DGKK: variants seen among roughly 807,000 people sequenced by gnomAD.
DGKK encodes diacylglycerol kinase kappa, also known as 142 kDa diacylglycerol kinase.
Under a neutral mutation model 92.2 loss-of-function variants are expected in DGKK, and 35 were observed. That is an observed-to-expected ratio of 0.38 (90% CI 0.29 to 0.50). The LOEUF (loss-of-function observed/expected upper bound fraction) is 0.50, where lower values mean the gene tolerates loss of function less well. Among genes scored for constraint, DGKK ranks in the 20% least tolerant of loss-of-function variants. The pLI is 0.92. For synonymous variants in DGKK, 368 were observed against 360.6 expected, an observed-to-expected ratio of 1.02 and a Z score of -0.23; for missense variants, 910 against 992.2, an observed-to-expected ratio of 0.92 and a Z score of 1.11.
intron 1 of DGKK, among the ~76,000 whole-genome samples, chrX:50,445,303 A>G (rs1490684417): frequency 9.1e-6 from 1 of 110,158 alleles, no homozygotes; most frequent in African/African-American, 3.3e-5. Context: ...CGTTTGTCAA[A>G]TCTTGCTTTT....
chrX:50,407,416 C>T (rs1273355962), intron 4 of DGKK, among the ~76,000 whole-genome samples: 2 of 111,294 alleles, frequency 1.8e-5, no homozygotes, highest in Admixed American at 1.9e-4. Flanking sequence ...TCCTTCCTAG[C>T]TTGTAGAAGG....
chrX:50,367,923 C>T lies in DGKK; in HGVS notation c.*1017G>A, dbSNP rs889016978. ...GCACCAAAAGATTTAGAAGCTCCAC[C>T]AAGAAATAGGGCAGTTGGTAGAGGT... On this transcript the variant is annotated 3_prime_UTR_variant, in exon 28 of 28. Transcript: ENST00000611977. The T allele has an allele frequency of 1.0e-4, 11 of 109,720 alleles. No homozygotes were observed. Among genetic ancestry groups the T allele is most frequent in the African/African-American group, 2.7e-4 (8 of 30,055 alleles). 9.0% of individuals were successfully genotyped at this position (109,720 alleles called of 1,213,427 possible).
chrX:50,451,598 C>T (rs1302242589), intron 1 of DGKK, among the ~76,000 whole-genome samples: 2 of 111,039 alleles, frequency 1.8e-5, no homozygotes, highest in East Asian at 2.8e-4. Flanking sequence ...GCTCAGATGT[C>T]GGGAAAGATT....
intron 1 of DGKK, among the ~76,000 whole-genome samples, chrX:50,432,494 G>A (rs1376701235): frequency 1.8e-5 from 2 of 111,927 alleles, no homozygotes; most frequent in Non-Finnish European, 3.8e-5. Flanking sequence ...AATATACAAT[G>A]AACCCTTTTA....
At chrX:50,436,491 T>C (rs965005802) in intron 1 of DGKK, among the ~76,000 whole-genome samples, 1 of 112,342 alleles carries the variant, frequency 8.9e-6, no homozygotes, top group African/African-American at 3.2e-5. Context: ...TATTGGAAAT[T>C]ATATCCTATT....
intron 13 of DGKK, among the ~76,000 whole-genome samples, 166 bp downstream of exon 13, chrX:50,388,361 A>C (rs1924601107): frequency 1.8e-5 from 2 of 111,905 alleles, no homozygotes; most frequent in Admixed American, 1.9e-4. Context: ...CCTCAATGTC[A>C]TCTTTCTTTC....
At position 50,416,799 on chromosome X, in the gene DGKK, T is replaced by C. The variant is rs781795633; in HGVS notation, c.942+3604A>G. On this transcript the variant is annotated intron_variant, in intron 4 of 27. Transcript: ENST00000611977. ...AGCCATGGACACACTATGCATGAGT[T>C]AGAGTCATTTTGCCACTTTGAATTT... 2.7e-5 allele frequency among the ~76,000 whole-genome samples: 3 copies of C among 111,380 alleles called. No homozygotes were observed. In the South Asian group the frequency reaches 1.1e-3, roughly 43 times the overall value.
chrX:50,454,445 C>T, intron 1 of DGKK, among the ~76,000 whole-genome samples: 1 of 111,356 alleles, frequency 9.0e-6, no homozygotes, highest in African/African-American at 3.3e-5. Context: ...TTTCTGCATT[C>T]TGTATTGTTC....
chrX:50,445,797 G>GT (rs1557231791), intron 1 of DGKK, among the ~76,000 whole-genome samples: 4 of 111,232 alleles, frequency 3.6e-5, no homozygotes, highest in South Asian at 7.5e-4. Flanking sequence ...TTTTTACATA[G>GT]TTTTTTCTAG....
intron 24 of DGKK, among the ~76,000 whole-genome samples, 176 bp from the exon 25 acceptor site, chrX:50,375,233 T>A (rs1557223713): frequency 1.8e-5 from 2 of 111,636 alleles, no homozygotes; most frequent in African/African-American, 6.5e-5. Flanking sequence ...AGCTGTACTA[T>A]CAGAACGAGT....
At chrX:50,394,969 T>G (rs1181287110) in intron 8 of DGKK, among the ~76,000 whole-genome samples, 1 of 109,881 alleles carries the variant, frequency 9.1e-6, no homozygotes, top group Non-Finnish European at 1.9e-5. Flanking sequence ...AAAGGGAGAC[T>G]GTCTGGGCTG....
rs184190633 is a variant in DGKK at position 50,379,812 on chromosome X, G to T, written c.2755-78C>A. 9.5e-6 allele frequency: 9 copies of T among 945,332 alleles called. No individual in the cohort carries two copies. In the African/African-American group the frequency reaches 1.3e-4, roughly 14 times the overall value. The allele number at this position is 945,332 out of a possible 1,213,427, so 77.9% of individuals were successfully genotyped here. A position where few individuals can be genotyped will look rare whatever the true frequency, so the allele number is the denominator to read the frequency against. ...GGAACATTTACAGAGATGGGGAAAG[G>T]GCTCTGTCTTCTCTTCCATTACATG... On this transcript the variant is annotated intron_variant, in intron 19 of 27. Coordinates refer to ENST00000611977, the MANE Select transcript of DGKK (RefSeq NM_001013742.4).
chrX:50,427,944 A>G (rs1165087781), intron 1 of DGKK, among the ~76,000 whole-genome samples: 1 of 111,206 alleles, frequency 9.0e-6, no homozygotes, highest in South Asian at 3.9e-4. Context: ...TGGCAGGGGC[A>G]TAAGTATGTG....
Position 50,456,913 on chromosome X carries a change from G to T in DGKK, c.645+13121C>A, listed in dbSNP as rs1204682886. The stretch of plus-strand genomic sequence containing the variant: ...TAGCCCGGAGGGGATAGCAGTGAAG[G>T]CCTGCTGGATGAGACTGCTGAGCTG... On this transcript the variant is annotated intron_variant, in intron 1 of 27. Coordinates refer to ENST00000611977, the MANE Select transcript of DGKK (RefSeq NM_001013742.4). Among the ~76,000 whole-genome samples, 3 of 111,777 alleles carry T rather than the reference G, an allele frequency of 2.7e-5. No homozygotes were observed. In the Admixed American group the frequency reaches 2.8e-4, roughly 11 times the overall value.
chrX:50,420,656 C>T lies in DGKK; in HGVS notation c.838-149G>A, dbSNP rs1386352256. 1.1e-5 allele frequency: 5 copies of T among 438,017 alleles called. 1 individual carries two copies. In the Middle Eastern group the frequency reaches 1.6e-3, roughly 142 times the overall value. 36.1% of individuals were successfully genotyped at this position (438,017 alleles called of 1,213,427 possible). Reference sequence around the variant, plus strand: ...TAAGACAGACATTCCCAGAACCACTCGTAGCTCCTTAGTTACCCATCCGAA... The same window carrying T: ...TAAGACAGACATTCCCAGAACCACTTGTAGCTCCTTAGTTACCCATCCGAA... On this transcript the variant is annotated intron_variant, in intron 3 of 27. Transcript: ENST00000611977.
At chrX:50,435,789 G>C (rs1183502130) in intron 1 of DGKK, among the ~76,000 whole-genome samples, 1 of 111,625 alleles carries the variant, frequency 9.0e-6, no homozygotes, top group Non-Finnish European at 1.9e-5. Flanking sequence ...CTCAGAGAGA[G>C]AGAGAGAGAA....
At chrX:50,406,466 C>A (rs782260137) in intron 4 of DGKK, among the ~76,000 whole-genome samples, 15 of 111,398 alleles carry the variant, frequency 1.3e-4, no homozygotes, top group South Asian at 7.7e-4. Flanking sequence ...TAAGATGAGG[C>A]CATAATGGAT....
chrX:50,429,529 CAAAA>C (rs782423706), intron 1 of DGKK, among the ~76,000 whole-genome samples: 85 of 107,893 alleles, frequency 7.9e-4, no homozygotes, highest in Non-Finnish European at 1.1e-3. Context: ...ACTAAAAATA[CAAAA>C]AAAAAATTAG....
chrX:50,423,977 C>T (rs1287698838), intron 2 of DGKK, among the ~76,000 whole-genome samples: 2 of 111,714 alleles, frequency 1.8e-5, no homozygotes, highest in African/African-American at 3.3e-5. Flanking sequence ...AAGGGCACTA[C>T]ATTTTCATTT....
Sources: gnomAD v4.1 joint callset for allele counts (sites outside exome capture counted in the v4.1 genomes callset) on GRCh38, gnomAD v4.1.1 for gene constraint, MANE v1.5 for transcripts, NCBI Gene and HGNC (gene_info 2026-07-23, HGNC 2026-07-21) for gene names.